Variants in RHOBTB1 observed in about 807,000 individuals in gnomAD.
RHOBTB1 encodes rho-related BTB domain-containing protein 1.
A neutral mutation model predicts 71.6 loss-of-function variants in RHOBTB1; 40 were observed. That is an observed-to-expected ratio of 0.56 (90% CI 0.43 to 0.73). RHOBTB1 has a LOEUF of 0.73. Among genes scored for constraint, RHOBTB1 ranks in the 30% least tolerant of loss-of-function variants. The probability of loss-of-function intolerance (pLI) is 0.00; values close to 1 mark genes in which losing one functional copy is unlikely to be tolerated. For missense variants in RHOBTB1, 797 were observed against 894.0 expected (o/e 0.89, Z 1.38); for synonymous variants, 319 against 334.9 (o/e 0.95, Z 0.52).
At position 60,976,281 on chromosome 10, in the gene RHOBTB1, C is replaced by T. The variant is rs549655540; in HGVS notation, c.-62+9564G>A. ...GTACTTCATATATTTAATTTGTACT[C>T]GAATATTTGAAATGCTCCTTTTGAC... On this transcript the variant is annotated intron_variant, in intron 2 of 11. Transcript: ENST00000357917. Among the ~76,000 whole-genome samples the T allele has an allele frequency of 4.3e-3, 650 of 151,362 alleles. 3 individuals are homozygous for T. Among genetic ancestry groups the T allele is most frequent in the Non-Finnish European group, 7.2e-3 (485 of 67,772 alleles).
chr10:60,984,266 T>C (rs2086592767), intron 2 of RHOBTB1, among the ~76,000 whole-genome samples: 1 of 152,194 alleles, frequency 6.6e-6, no homozygotes. Flanking sequence ...ACATTAGAGA[T>C]TGGAAGTCTG....
intron 4 of RHOBTB1, among the ~76,000 whole-genome samples, chr10:60,909,065 C>G (rs2082832291): frequency 2.0e-5 from 3 of 152,084 alleles, no homozygotes; most frequent in African/African-American, 7.2e-5. Context: ...GAAAGAGCAG[C>G]TTATTTTTGT....
chr10:60,968,799 T>C (rs1280857382), intron 2 of RHOBTB1, among the ~76,000 whole-genome samples: 1 of 152,088 alleles, frequency 6.6e-6, no homozygotes, highest in African/African-American at 2.4e-5. Context: ...TATTAAGGTA[T>C]CTGGATTTCT....
At chr10:60,907,834 G>GAGTCAGGC (rs1248358737) in intron 4 of RHOBTB1, among the ~76,000 whole-genome samples, 1 of 152,120 alleles carries the variant, frequency 6.6e-6, no homozygotes, top group African/African-American at 2.4e-5. Flanking sequence ...TGAGAGCCAG[G>GAGTCAGGC]AGTCAGGCAG....
intron 1 of RHOBTB1, among the ~76,000 whole-genome samples, chr10:60,999,301 C>A (rs1381286826): frequency 6.6e-6 from 1 of 152,114 alleles, no homozygotes; most frequent in Admixed American, 6.6e-5. Flanking sequence ...AAAAGACATC[C>A]CCAACTTCAT....
the RHOBTB1 span, among the ~76,000 whole-genome samples, chr10:60,863,288 T>G: frequency 6.6e-6 from 1 of 152,336 alleles, no homozygotes; most frequent in African/African-American, 2.4e-5. Context: ...AATAATTATG[T>G]TTTAGGTTCT....
chr10:60,908,083 TAA>T (rs1185275007), intron 4 of RHOBTB1, among the ~76,000 whole-genome samples: 1 of 152,174 alleles, frequency 6.6e-6, no homozygotes, highest in African/African-American at 2.4e-5. Flanking sequence ...ATTTAAATCA[TAA>T]GAGAGCAATA....
chr10:60,997,213 T>A (rs925122735), intron 1 of RHOBTB1, among the ~76,000 whole-genome samples: 7 of 152,136 alleles, frequency 4.6e-5, no homozygotes, highest in Non-Finnish European at 8.8e-5. Flanking sequence ...ATATCTTTTT[T>A]AAAAATATCC....
intron 4 of RHOBTB1, among the ~76,000 whole-genome samples, chr10:60,902,046 A>C (rs973655657): frequency 2.6e-5 from 4 of 152,212 alleles, no homozygotes; most frequent in Admixed American, 1.3e-4. Flanking sequence ...CCGCTTTCCA[A>C]GGACAATTTC....
chr10:60,923,316 A>AC (rs1221262469), intron 2 of RHOBTB1, among the ~76,000 whole-genome samples: 1 of 152,248 alleles, frequency 6.6e-6, no homozygotes, highest in East Asian at 1.9e-4. Flanking sequence ...CATGTACTTA[A>AC]CCATGTAAAA....
intron 4 of RHOBTB1, 60 bp downstream of exon 4, chr10:60,910,827 G>T (rs2082928350): frequency 1.6e-6 from 2 of 1,246,960 alleles, no homozygotes; most frequent in South Asian, 1.2e-5. Flanking sequence ...TAAACCCGCT[G>T]CTGGTTTTGA....
chr10:60,947,300 A>G (rs1357243924), upstream of RHOBTB1, among the ~76,000 whole-genome samples: 1 of 152,200 alleles, frequency 6.6e-6, no homozygotes, highest in Non-Finnish European at 1.5e-5. Context: ...TTCAAGCAAC[A>G]TTGTATCTTT....
chr10:60,916,636 C>G (rs757543461), intron 2 of RHOBTB1, among the ~76,000 whole-genome samples: 1 of 152,180 alleles, frequency 6.6e-6, no homozygotes, highest in Non-Finnish European at 1.5e-5. Context: ...GATGATGGGT[C>G]ATGCCAACTT....
intron 2 of RHOBTB1, among the ~76,000 whole-genome samples, chr10:60,949,891 AC>A (rs1828461132): frequency 1.3e-5 from 2 of 152,174 alleles, no homozygotes; most frequent in Admixed American, 1.3e-4. Context: ...TAGGCTATGT[AC>A]TGAAAATAGA....
the RHOBTB1 span, among the ~76,000 whole-genome samples, chr10:60,861,653 C>T: frequency 6.9e-6 from 1 of 145,362 alleles, no homozygotes; most frequent in African/African-American, 2.7e-5. Flanking sequence ...GAAGAACATC[C>T]CGTTGAAACT....
intron 1 of RHOBTB1, among the ~76,000 whole-genome samples, chr10:60,992,281 C>T (rs1165079201): frequency 1.3e-5 from 2 of 152,120 alleles, no homozygotes; most frequent in African/African-American, 2.4e-5. Flanking sequence ...TGAAACATTT[C>T]ACCTGAGCAG....
At chr10:60,889,999 T>C (rs2132676726) in intron 5 of RHOBTB1, among the ~76,000 whole-genome samples, 1 of 152,344 alleles carries the variant, frequency 6.6e-6, no homozygotes, top group African/African-American at 2.4e-5. Flanking sequence ...ATTTTTCATG[T>C]AAGCCTCACA....
intron 1 of RHOBTB1, among the ~76,000 whole-genome samples, chr10:60,942,304 T>C (rs142770925): frequency 7.9e-4 from 120 of 152,364 alleles, no homozygotes; most frequent in African/African-American, 2.7e-3. Context: ...TTATAATTTG[T>C]ATTATTGAGC....
intron 1 of RHOBTB1, among the ~76,000 whole-genome samples, chr10:60,943,440 G>T (rs1238380143): frequency 2.0e-5 from 3 of 152,178 alleles, no homozygotes; most frequent in Admixed American, 2.0e-4. Context: ...CCTCATGGCA[G>T]CTCCTCCTGT....
Sources: gnomAD v4.1 joint callset for allele counts (sites outside exome capture counted in the v4.1 genomes callset) on GRCh38, gnomAD v4.1.1 for gene constraint, MANE v1.5 for transcripts, NCBI Gene and HGNC (gene_info 2026-07-23, HGNC 2026-07-21) for gene names.